The following XKR9 variants were observed in gnomAD, a reference collection of about 807,000 sequenced individuals.
XKR9 encodes XK-related protein 9.
XKR9 carries 32 observed loss-of-function variants against 32.0 expected under a neutral mutation model. The ratio of observed to expected loss-of-function variants is 1.00; its 90% CI spans 0.76 to 1.34. The LOEUF (loss-of-function observed/expected upper bound fraction) is 1.34, where lower values mean the gene tolerates loss of function less well. Among genes scored for constraint, XKR9 ranks in the 40% most tolerant of loss-of-function variants. XKR9 has a pLI of 0.00. For synonymous variants in XKR9, 168 were observed against 143.4 expected (o/e 1.17, Z -1.22); for missense variants, 546 against 429.7 (o/e 1.27, Z -2.39).
At chr8:70,769,043 G>T (rs900652451) in intron 2 of XKR9, among the ~76,000 whole-genome samples, 3 of 151,994 alleles carry the variant, frequency 2.0e-5, no homozygotes, top group Non-Finnish European at 4.4e-5. Flanking sequence ...ATATATTTTG[G>T]TATGTTTTTA....
At chr8:70,673,958 A>T (rs1818802177) in intron 1 of XKR9, among the ~76,000 whole-genome samples, 1 of 152,188 alleles carries the variant, frequency 6.6e-6, no homozygotes, top group African/African-American at 2.4e-5. Context: ...AAAAATGAAT[A>T]AGATAATCTT....
At chr8:70,869,319 T>G in the XKR9 span, among the ~76,000 whole-genome samples, 7 of 152,192 alleles carry the variant, frequency 4.6e-5, no homozygotes, top group Non-Finnish European at 1.0e-4. Context: ...AAGGGTTTAG[T>G]GGACTTACAG....
the XKR9 span, among the ~76,000 whole-genome samples, chr8:70,888,217 A>G: frequency 4.0e-5 from 6 of 151,812 alleles, no homozygotes; most frequent in Admixed American, 1.3e-4. Flanking sequence ...ATTTTTTCAT[A>G]TATCTGTAGC....
At chr8:70,780,471 AT>A (rs578137709) in intron 2 of XKR9, among the ~76,000 whole-genome samples, 8 of 152,016 alleles carry the variant, frequency 5.3e-5, no homozygotes, top group African/African-American at 1.9e-4. Flanking sequence ...GTTCCTTATG[AT>A]TTTTTTGACT....
chr8:70,901,819 C>A, the XKR9 span, among the ~76,000 whole-genome samples: 1 of 152,168 alleles, frequency 6.6e-6, no homozygotes, highest in African/African-American at 2.4e-5. Flanking sequence ...TTTAATCCAT[C>A]TTGAATTAGC....
intron 3 of XKR9, among the ~76,000 whole-genome samples, chr8:70,686,436 G>A (rs140099386): frequency 6.7e-6 from 1 of 148,970 alleles, no homozygotes; most frequent in African/African-American, 2.5e-5. Context: ...TATATATTTG[G>A]TAGAGACAGA....
At chr8:70,699,881 T>C (rs1309442623) in intron 3 of XKR9, among the ~76,000 whole-genome samples, 2 of 152,200 alleles carry the variant, frequency 1.3e-5, no homozygotes, top group African/African-American at 4.8e-5. Flanking sequence ...TTTGTTCGTT[T>C]CTTTTTATTC....
chr8:70,723,929 A>C (rs1806368645), intron 4 of XKR9, among the ~76,000 whole-genome samples: 1 of 144,174 alleles, frequency 6.9e-6, no homozygotes, highest in Non-Finnish European at 1.5e-5. Flanking sequence ...TCTGTGGCCC[A>C]GGCGGGAGTG....
chr8:70,831,256 A>C, the XKR9 span, among the ~76,000 whole-genome samples: 2 of 147,426 alleles, frequency 1.4e-5, no homozygotes, highest in Non-Finnish European at 3.0e-5. Context: ...GTGCCACTGC[A>C]CTCTAGCCTG....
chr8:70,848,831 C>T, the XKR9 span, among the ~76,000 whole-genome samples: 4 of 143,770 alleles, frequency 2.8e-5, no homozygotes, highest in Non-Finnish European at 4.5e-5. Flanking sequence ...TTTAAACCAA[C>T]AAAAACCAAA....
chr8:70,856,997 AC>A, the XKR9 span, among the ~76,000 whole-genome samples: 1 of 152,226 alleles, frequency 6.6e-6, no homozygotes, highest in South Asian at 2.1e-4. Flanking sequence ...AATTTAAAGC[AC>A]TAAATGCCCA....
the XKR9 span, among the ~76,000 whole-genome samples, chr8:70,933,399 A>AGAAT: frequency 6.6e-6 from 1 of 152,190 alleles, no homozygotes; most frequent in Non-Finnish European, 1.5e-5. Flanking sequence ...AAGTTGGAAG[A>AGAAT]GAATGTAGTC....
chr8:70,712,621 A>G (rs1031587560), intron 4 of XKR9, among the ~76,000 whole-genome samples: 5 of 152,142 alleles, frequency 3.3e-5, no homozygotes, highest in African/African-American at 4.8e-5. Context: ...TAGTGTGTTG[A>G]TGCTGAGTAG....
downstream of XKR9, among the ~76,000 whole-genome samples, chr8:70,738,642 T>C (rs1416799011): frequency 3.3e-5 from 5 of 152,140 alleles, no homozygotes. Context: ...CTGCCTTGAA[T>C]GTGTCCCAGA....
chr8:70,815,674 C>T, the XKR9 span, among the ~76,000 whole-genome samples: 230 of 151,944 alleles, frequency 1.5e-3, no homozygotes, highest in African/African-American at 5.2e-3. Flanking sequence ...TACAGGCGCC[C>T]GCCACCATGC....
intron 3 of XKR9, among the ~76,000 whole-genome samples, chr8:70,694,969 T>A (rs914455022): frequency 6.6e-6 from 1 of 152,144 alleles, no homozygotes; most frequent in Non-Finnish European, 1.5e-5. Flanking sequence ...CCGAAGGCCC[T>A]GCTGGAGTGG....
chr8:70,900,905 G>A, the XKR9 span, among the ~76,000 whole-genome samples: 3 of 152,070 alleles, frequency 2.0e-5, no homozygotes, highest in South Asian at 6.2e-4. Context: ...GAGAACATGT[G>A]GTGTTTAGTT....
the XKR9 span, among the ~76,000 whole-genome samples, chr8:71,007,294 T>C: frequency 9.5e-4 from 145 of 152,290 alleles, 1 homozygote; most frequent in African/African-American, 3.4e-3. Flanking sequence ...TTTTAGGTGA[T>C]TCAGCATTGA....
chr8:70,812,030 C>T, the XKR9 span, among the ~76,000 whole-genome samples: 5 of 152,106 alleles, frequency 3.3e-5, no homozygotes, highest in East Asian at 5.8e-4. Context: ...AACATTGATG[C>T]AAAAATCCTC....
Sources: gnomAD v4.1 joint callset for allele counts (sites outside exome capture counted in the v4.1 genomes callset) on GRCh38, gnomAD v4.1.1 for gene constraint, MANE v1.5 for transcripts, NCBI Gene and HGNC (gene_info 2026-07-23, HGNC 2026-07-21) for gene names.